The following SP140 variants were observed in gnomAD, a reference collection of about 807,000 sequenced individuals.
SP140 encodes nuclear body protein SP140.
A neutral mutation model predicts 125.0 loss-of-function variants in SP140; 81 were observed. The ratio of observed to expected loss-of-function variants is 0.65; its 90% confidence interval spans 0.54 to 0.78. The LOEUF is 0.78. Among genes scored for constraint, SP140 ranks in the 30% least tolerant of loss-of-function variants. The pLI, the probability that SP140 is intolerant of heterozygous loss-of-function variation, is 0.00. For synonymous variants in SP140, 312 were observed against 354.0 expected (o/e 0.88, Z 1.33); for missense variants, 858 against 1,037.0 (o/e 0.83, Z 2.37).
At chr2:230,198,757 G>T (rs926831691), upstream of SP140, among the ~76,000 whole-genome samples, 3 of 152,004 alleles carry the variant, frequency 2.0e-5, no homozygotes, top group African/African-American at 7.2e-5. Flanking sequence ...ACCAGGCTCA[G>T]CTAATTTTTT....
chr2:230,233,232 T>G (rs1394381643), intron 1 of SP140, among the ~76,000 whole-genome samples: 1 of 152,178 alleles, frequency 6.6e-6, no homozygotes, highest in African/African-American at 2.4e-5. Context: ...TTTCTCTAAC[T>G]GAGACCATCA....
rs1289592751 is a variant in SP140 at position 230,237,006 on chromosome 2, A to G, written c.60-77A>G. On this transcript the variant is annotated intron_variant, in intron 1 of 26. Coordinates refer to ENST00000392045, the MANE Select transcript of SP140 (RefSeq NM_007237.5). This position sits in a 1 kb window ranked among gnomAD's most constrained non-coding sequence, Gnocchi z 5.4. ...GTTGGCTCTCCATTGGCCATCCTTC[A>G]TGTCTAAAATCTTCTAACCACCACA... 5.1e-6 allele frequency: 6 copies of G among 1,167,454 alleles called. No individual in the cohort carries two copies. Among genetic ancestry groups the G allele is most frequent in the Non-Finnish European group, 7.1e-6 (6 of 845,928 alleles). The allele number at this position is 1,167,454 out of a possible 1,614,324, so 72.3% of individuals were successfully genotyped here. A position where few individuals can be genotyped will look rare whatever the true frequency, so the allele number is the denominator to read the frequency against.
At chr2:230,266,246 G>A (rs192737830) in intron 12 of SP140, among the ~76,000 whole-genome samples, 49 of 152,206 alleles carry the variant, frequency 3.2e-4, no homozygotes, top group Admixed American at 2.0e-3. Flanking sequence ...AAATAGCCTA[G>A]TTTTTGTTTT....
chr2:230,237,452 A>C lies in SP140; in HGVS notation c.237+192A>C. 1.8e-6 allele frequency: 1 copy of C among 544,834 alleles called. No individual in the cohort carries two copies. The allele number at this position is 544,834 out of a possible 1,614,324, so 33.7% of individuals were successfully genotyped here. A position where few individuals can be genotyped will look rare whatever the true frequency, so the allele number is the denominator to read the frequency against. On this transcript the variant is annotated intron_variant, in intron 2 of 26. Transcript: ENST00000392045. The surrounding 1 kb of genome is among the most constrained non-coding windows in gnomAD (Gnocchi z 5.4). ...CTGTAGTAAATGTTGGGGGAGGGCCACAGTGAGGGAGGTGGGGCAGGAGAG... is the reference window on the plus strand; with the variant it reads ...CTGTAGTAAATGTTGGGGGAGGGCCCCAGTGAGGGAGGTGGGGCAGGAGAG...
intron 17 of SP140, 37 bp from the exon 18 acceptor site, chr2:230,287,855 C>T: frequency 1.3e-6 from 2 of 1,558,396 alleles, no homozygotes; most frequent in Non-Finnish European, 8.8e-7. Context: ...TACAGCTGCT[C>T]ATAAATGACT....
chr2:230,203,156 G>A (rs1469267770), exon 1 of SP140: 1 of 224,966 alleles, frequency 4.4e-6, no homozygotes, highest in African/African-American at 2.3e-5. Context: ...GCCTTCAGTG[G>A]GCAAAGTGCA....
intron 1 of SP140, among the ~76,000 whole-genome samples, chr2:230,203,956 A>C (rs1285016326): frequency 1.3e-5 from 2 of 152,244 alleles, no homozygotes; most frequent in African/African-American, 4.8e-5. Flanking sequence ...TTTTAATACC[A>C]TTGAGCTATG....
chr2:230,276,510 T>C (rs1026836614), intron 15 of SP140, among the ~76,000 whole-genome samples: 5 of 152,184 alleles, frequency 3.3e-5, no homozygotes, highest in African/African-American at 1.2e-4. Flanking sequence ...TCATTGACAG[T>C]GCACCTAGTC....
At chr2:230,275,027 G>A (rs1003964005) in intron 15 of SP140, among the ~76,000 whole-genome samples, 6 of 151,988 alleles carry the variant, frequency 3.9e-5, no homozygotes, top group African/African-American at 1.5e-4. Flanking sequence ...GTGCAGTTGA[G>A]CATTCTTCAT....
upstream of SP140, chr2:230,202,638 G>A (rs141019373): frequency 4.1e-4 from 661 of 1,613,972 alleles, 8 homozygotes; most frequent in South Asian, 6.6e-3. Context: ...TGTCTCTACC[G>A]TGGAGTTACA....
At chr2:230,194,223 G>C in the SP140 span, among the ~76,000 whole-genome samples, 1 of 152,128 alleles carries the variant, frequency 6.6e-6, no homozygotes, top group Non-Finnish European at 1.5e-5. Context: ...TCCCAGGCTG[G>C]CTCCCATAAA....
intron 3 of SP140, among the ~76,000 whole-genome samples, chr2:230,239,590 T>C (rs1421902943): frequency 6.6e-6 from 1 of 152,070 alleles, no homozygotes; most frequent in East Asian, 1.9e-4. Context: ...GGGATTACAG[T>C]CACCCACCAC....
chr2:230,254,825 T>C (rs1167532975), intron 11 of SP140, among the ~76,000 whole-genome samples: 1 of 152,216 alleles, frequency 6.6e-6, no homozygotes, highest in Non-Finnish European at 1.5e-5. Context: ...ATCATCTGTC[T>C]CATCTCTACT....
chr2:230,298,550 T>C (rs2057980312), intron 22 of SP140, among the ~76,000 whole-genome samples: 1 of 152,150 alleles, frequency 6.6e-6, no homozygotes, highest in African/African-American at 2.4e-5. Context: ...AGGTTTAGGT[T>C]TCACAGCTCA....
At chr2:230,249,034 A>T (rs1324947086) in intron 9 of SP140, 66 bp downstream of exon 9, 1 of 1,315,714 alleles carries the variant, frequency 7.6e-7, no homozygotes, top group Non-Finnish European at 1.1e-6. Flanking sequence ...ATGGAAAAAA[A>T]GTTTCCCTTT....
intron 15 of SP140, among the ~76,000 whole-genome samples, chr2:230,274,041 T>C (rs115037219): frequency 0.02 from 3,001 of 151,956 alleles, 106 homozygotes; most frequent in African/African-American, 0.069. Context: ...AAATAATCTG[T>C]ATAACAAACA....
chr2:230,297,621 C>T (rs1229929604), intron 22 of SP140, among the ~76,000 whole-genome samples, 159 bp downstream of exon 22: 2 of 152,166 alleles, frequency 1.3e-5, no homozygotes. Context: ...GGTAGATGTG[C>T]CTGGGCCTTG....
chr2:230,245,086 T>G lies in SP140; in HGVS notation c.664+6T>G. The G allele has an allele frequency of 2.5e-6, 4 of 1,596,330 alleles. No homozygotes were observed. The highest frequency in any genetic ancestry group is 3.4e-6 in the Non-Finnish European group (4 of 1,164,448). On this transcript the variant is annotated splice_donor_region_variant and intron_variant, in intron 6 of 26. Coordinates refer to ENST00000392045, the MANE Select transcript of SP140 (RefSeq NM_007237.5). Reference sequence around the variant, plus strand: ...CCTACTACCAGGTGGGGGAGGTAATTATGATTTAAATGACCAATTATCTCA... The same window carrying G: ...CCTACTACCAGGTGGGGGAGGTAATGATGATTTAAATGACCAATTATCTCA...
At chr2:230,245,111 A>C (rs781208685) in intron 6 of SP140, 31 bp downstream of exon 6, 704 of 1,449,018 alleles carry the variant, frequency 4.9e-4, no homozygotes, top group Non-Finnish European at 6.3e-4. Context: ...CAATTATCTC[A>C]TTAAATTAGT....
Sources: allele counts gnomAD v4.1 joint callset (sites outside exome capture counted in the v4.1 genomes callset), GRCh38; gene constraint gnomAD v4.1.1; non-coding constraint Gnocchi (gnomAD v3.1); transcripts MANE v1.5; gene names NCBI Gene and HGNC (gene_info 2026-07-23, HGNC 2026-07-21).